The following SVOPL variants were observed in gnomAD, a reference collection of about 807,000 sequenced individuals.
SVOPL encodes putative transporter SVOPL.
Under a neutral mutation model 61.0 loss-of-function variants are expected in SVOPL, and 60 were observed. The ratio of observed to expected loss-of-function variants is 0.98; its 90% confidence interval spans 0.80 to 1.22. SVOPL has a LOEUF of 1.22. Ranked by LOEUF, SVOPL falls within the 50% of genes most tolerant of loss-of-function variation. The pLI, the probability that SVOPL is intolerant of heterozygous loss-of-function variation, is 0.00. For missense variants in SVOPL, 662 were observed against 643.9 expected (o/e 1.03, Z -0.30); for synonymous variants, 279 against 250.0 (o/e 1.12, Z -1.09).
chr7:138,597,149 C>T, intron 14 of SVOPL: 2 of 1,287,012 alleles, frequency 1.6e-6, no homozygotes, highest in South Asian at 2.5e-5. Flanking sequence ...TCAGATACTC[C>T]ATCTCATACT....
chr7:138,594,796 T>A (rs1275987972), intron 15 of SVOPL, among the ~76,000 whole-genome samples, 175 bp from the exon 16 acceptor site: 1 of 152,170 alleles, frequency 6.6e-6, no homozygotes, highest in South Asian at 2.1e-4. Flanking sequence ...TTTTTAATTC[T>A]AATATAATGC....
intron 9 of SVOPL, among the ~76,000 whole-genome samples, chr7:138,642,187 T>C (rs1325298463): frequency 1.3e-5 from 2 of 151,160 alleles, no homozygotes; most frequent in Non-Finnish European, 2.9e-5. Context: ...TAGCTAATTG[T>C]TTATTAAAAA....
At chr7:138,689,179 T>C in intron 1 of SVOPL, 1 of 1,064,054 alleles carries the variant, frequency 9.4e-7, no homozygotes, top group Non-Finnish European at 1.5e-6. Flanking sequence ...AATGGTGGAG[T>C]GGGCAGGTGT....
chr7:138,640,165 T>G (rs939050083), intron 9 of SVOPL, among the ~76,000 whole-genome samples: 2 of 152,050 alleles, frequency 1.3e-5, no homozygotes, highest in African/African-American at 4.8e-5. Context: ...CATGTTAACA[T>G]GAGAGAAAAT....
At chr7:138,620,459 A>T (rs1300365736) in intron 14 of SVOPL, among the ~76,000 whole-genome samples, 4 of 151,052 alleles carry the variant, frequency 2.6e-5, no homozygotes, top group Admixed American at 2.6e-4. Context: ...AAAAAAAAAA[A>T]AAAAGACTGA....
At chr7:138,660,261 T>C in intron 5 of SVOPL, 6 of 1,162,332 alleles carry the variant, frequency 5.2e-6, no homozygotes, top group Non-Finnish European at 6.4e-6. Context: ...AACTTGGACA[T>C]CAAAAGGCAA....
rs1482770316 is a variant in SVOPL at position 138,625,928 on chromosome 7, C to A, written c.1263+41G>T. 3.1e-6 allele frequency: 5 copies of A among 1,607,092 alleles called. No homozygotes were observed. The African/African-American group carries it at 5.3e-5, about 17-fold the overall frequency. On this transcript the variant is annotated intron_variant, in intron 13 of 15. Transcript: ENST00000674285. ...TGGATGGACATCCTAAGTAGCTCAC[C>A]TTACACACCCTTTGTAAGCAAGCCT...
chr7:138,629,479 T>A (rs1259768722), intron 10 of SVOPL, among the ~76,000 whole-genome samples: 1 of 152,136 alleles, frequency 6.6e-6, no homozygotes, highest in African/African-American at 2.4e-5. Flanking sequence ...GTGATCCGCC[T>A]GTCTCGGCCT....
chr7:138,624,171 C>T (rs887579432), intron 13 of SVOPL, among the ~76,000 whole-genome samples: 14 of 152,196 alleles, frequency 9.2e-5, no homozygotes, highest in Admixed American at 9.2e-4. Context: ...CACTGTCCAT[C>T]AAGTTCACCT....
intron 14 of SVOPL, among the ~76,000 whole-genome samples, chr7:138,616,400 G>T (rs1799304445): frequency 6.6e-6 from 1 of 150,570 alleles, no homozygotes; most frequent in African/African-American, 2.4e-5. Flanking sequence ...GCAATGGCAT[G>T]ATCTTGACTC....
chr7:138,686,560 GGGTTT>G (rs1184926816), intron 1 of SVOPL, among the ~76,000 whole-genome samples: 66 of 133,032 alleles, frequency 5.0e-4, no homozygotes, highest in African/African-American at 1.7e-3. Flanking sequence ...TTTGTTTTTT[GGGTTT>G]TTTTTTTTTT....
At chr7:138,619,875 T>A (rs945934490) in intron 14 of SVOPL, among the ~76,000 whole-genome samples, 1 of 152,026 alleles carries the variant, frequency 6.6e-6, no homozygotes, top group Non-Finnish European at 1.5e-5. Flanking sequence ...AGGGTTTGTG[T>A]TCGGGATTTG....
chr7:138,668,797 G>T (rs777932558), intron 4 of SVOPL, among the ~76,000 whole-genome samples: 90 of 152,278 alleles, frequency 5.9e-4, no homozygotes, highest in Non-Finnish European at 1.1e-3. Flanking sequence ...GTCAGTCTGG[G>T]GAGCAGGAGG....
intron 9 of SVOPL, among the ~76,000 whole-genome samples, chr7:138,636,139 A>G (rs1800458598): frequency 6.6e-6 from 1 of 152,038 alleles, no homozygotes; most frequent in South Asian, 2.1e-4. Flanking sequence ...CATGTTGGTC[A>G]GGCTGGTCTT....
intron 1 of SVOPL, among the ~76,000 whole-genome samples, chr7:138,686,923 G>A (rs1278503591): frequency 4.6e-5 from 7 of 152,096 alleles, no homozygotes; most frequent in Non-Finnish European, 7.4e-5. Flanking sequence ...ATACTGCAGT[G>A]TATATATTCT....
chr7:138,630,589 A>AG (rs938332123), intron 9 of SVOPL, among the ~76,000 whole-genome samples: 1 of 152,226 alleles, frequency 6.6e-6, no homozygotes, highest in Non-Finnish European at 1.5e-5. Flanking sequence ...TCTGTCTCTA[A>AG]GGGGGGTAGT....
intron 4 of SVOPL, among the ~76,000 whole-genome samples, chr7:138,669,563 G>A (rs1037724288): frequency 2.6e-5 from 4 of 152,174 alleles, no homozygotes; most frequent in Non-Finnish European, 4.4e-5. Context: ...GTCCTCTGAG[G>A]GCAGCTCCCA....
At chr7:138,622,144 A>ACAGAGTCTCAC (rs1563096369) in intron 13 of SVOPL, among the ~76,000 whole-genome samples, 1 of 131,618 alleles carries the variant, frequency 7.6e-6, no homozygotes, top group African/African-American at 2.6e-5. Context: ...CTATGTATCT[A>ACAGAGTCTCAC]TCTATGTATC....
intron 1 of SVOPL, among the ~76,000 whole-genome samples, chr7:138,683,852 G>T (rs1400293999): frequency 6.6e-6 from 1 of 150,390 alleles, no homozygotes; most frequent in African/African-American, 2.5e-5. Context: ...AGGAGTTCGA[G>T]ACCAGTCTGG....
Sources: gnomAD v4.1 joint callset for allele counts (sites outside exome capture counted in the v4.1 genomes callset) on GRCh38, gnomAD v4.1.1 for gene constraint, MANE v1.5 for transcripts, NCBI Gene and HGNC (gene_info 2026-07-23, HGNC 2026-07-21) for gene names.